The following OPCML variants were observed in gnomAD, a reference collection of about 807,000 sequenced individuals.
The protein encoded by OPCML is opioid-binding protein/cell adhesion molecule.
OPCML carries 13 observed loss-of-function variants against 37.8 expected under a neutral mutation model. That is an observed-to-expected ratio of 0.34 (90% CI 0.22 to 0.55). The LOEUF (loss-of-function observed/expected upper bound fraction) is 0.55. Ranked by LOEUF, OPCML falls within the 20% of genes least tolerant of loss-of-function variation. The probability of loss-of-function intolerance (pLI) is 0.91; values close to 1 mark genes in which losing one functional copy is unlikely to be tolerated. For missense variants in OPCML, 341 were observed against 435.6 expected, an observed-to-expected ratio of 0.78 and a Z score of 1.93; for synonymous variants, 176 against 168.8, an observed-to-expected ratio of 1.04 and a Z score of -0.33.
intron 2 of OPCML, among the ~76,000 whole-genome samples, chr11:132,725,617 A>G (rs570745850): frequency 3.3e-5 from 5 of 152,172 alleles, no homozygotes; most frequent in Admixed American, 3.3e-4. Flanking sequence ...TTAGGCTGCA[A>G]ATTTTCCAAA....
intron 1 of OPCML, chr11:133,300,890 G>A (rs1942759477): frequency 6.6e-6 from 1 of 152,222 alleles, no homozygotes; most frequent in African/African-American, 2.4e-5. Flanking sequence ...GCCGCCAGAA[G>A]CTGGAAGAGA....
intron 1 of OPCML, among the ~76,000 whole-genome samples, chr11:133,023,439 A>C (rs1947491273): frequency 6.6e-6 from 1 of 152,214 alleles, no homozygotes; most frequent in Admixed American, 6.5e-5. Flanking sequence ...TATTATTAAT[A>C]AGAATGTAGA....
intron 2 of OPCML, among the ~76,000 whole-genome samples, chr11:132,807,723 C>T (rs1939097998): frequency 6.6e-6 from 1 of 152,118 alleles, no homozygotes; most frequent in African/African-American, 2.4e-5. Context: ...CTGCAAGTAC[C>T]ATTCTTCTCT....
intron 1 of OPCML, among the ~76,000 whole-genome samples, chr11:133,146,756 G>A (rs1002843756): frequency 3.9e-5 from 6 of 152,130 alleles, no homozygotes; most frequent in Admixed American, 1.3e-4. Flanking sequence ...CCACCACGCC[G>A]GGACCTCTAT....
rs186899040 is a variant in OPCML, at chr11:133,479,769, C to A, written c.61+52495G>T. Among the ~76,000 whole-genome samples, 790 of 152,304 alleles carry A rather than the reference C, an allele frequency of 5.2e-3. 11 individuals carry two copies. The highest frequency in any genetic ancestry group is 0.018 in the African/African-American group (761 of 41,572). On this transcript the variant is annotated intron_variant, in intron 1 of 7. Transcript: ENST00000524381. ...CCACACCACAGAGGACCACACACAC[C>A]CACCGAACAAATGACACCCATGGCT...
At chr11:133,422,679 T>C (rs1476023760) in intron 1 of OPCML, 3 of 984,246 alleles carry the variant, frequency 3.0e-6, no homozygotes, top group Non-Finnish European at 3.6e-6. Context: ...TTAATAATTA[T>C]TATGTCATGA....
At chr11:132,524,230 T>C (rs2509229) in intron 4 of OPCML, among the ~76,000 whole-genome samples, 63,861 of 152,122 alleles carry the variant, frequency 0.42, 15,274 homozygotes, top group Non-Finnish European at 0.55. Context: ...TTCTCTTGTC[T>C]TTCAGGAACG....
At chr11:133,409,469 C>T (rs1017391222) in intron 1 of OPCML, among the ~76,000 whole-genome samples, 11 of 152,170 alleles carry the variant, frequency 7.2e-5, no homozygotes, top group Non-Finnish European at 1.5e-5. Flanking sequence ...TCTAGTCTCC[C>T]AGTGGGAATT....
intron 1 of OPCML, chr11:133,008,389 C>T (rs1947152649): frequency 7.1e-6 from 7 of 985,426 alleles, no homozygotes; most frequent in South Asian, 4.7e-5. Flanking sequence ...TTTCAGAGGA[C>T]ATCCGAGATT....
In OPCML at chr11:133,042,624, C is replaced by T. The variant is rs989046383; in HGVS notation, c.62-99614G>A. Among the ~76,000 whole-genome samples the T allele has an allele frequency of 3.3e-5, 5 of 152,178 alleles. No individual in the cohort carries two copies. In the South Asian group the frequency reaches 6.2e-4, roughly 19 times the overall value. On this transcript the variant is annotated intron_variant, in intron 1 of 7. Coordinates refer to ENST00000524381, the MANE Select transcript of OPCML (RefSeq NM_001012393.5). ...AGCTCAGAGTAACACTGTTAGTGAG[C>T]GGTCTAGGTTAACTATTACCCTGTT...
At chr11:132,485,064 A>G (rs1422807526) in intron 4 of OPCML, among the ~76,000 whole-genome samples, 1 of 151,192 alleles carries the variant, frequency 6.6e-6, no homozygotes, top group Admixed American at 6.6e-5. Context: ...AACTTAAAGT[A>G]TAATAATAAA....
intron 1 of OPCML, among the ~76,000 whole-genome samples, chr11:133,402,261 C>A (rs56148228): frequency 6.6e-6 from 1 of 151,880 alleles, no homozygotes; most frequent in Admixed American, 6.6e-5. Flanking sequence ...AAAAAAAAAC[C>A]CTTCTGGCAA....
Position 133,158,748 on chromosome 11 carries a change from A to AAAATG in OPCML, c.62-215739_62-215738insCATTT, listed in dbSNP as rs1298813375. Among the ~76,000 whole-genome samples the AAAATG allele has an allele frequency of 4.0e-5, 6 of 150,296 alleles. No homozygotes were observed. The East Asian group carries it at 9.7e-4, about 24-fold the overall frequency. On this transcript the variant is annotated intron_variant, in intron 1 of 7. Coordinates refer to ENST00000524381, the MANE Select transcript of OPCML (RefSeq NM_001012393.5). ...AAAATAAAATAAAATAAAATAAAAT[A>AAAATG]AAATAAAATGAAAATTAAAAAAAAT...
chr11:133,312,472 T>C (rs1943086909), intron 1 of OPCML, among the ~76,000 whole-genome samples: 1 of 152,240 alleles, frequency 6.6e-6, no homozygotes, highest in South Asian at 2.1e-4. Context: ...AGATGAGCCG[T>C]AGCCCTGAAT....
At chr11:133,284,211 C>T (rs1358941382) in intron 1 of OPCML, among the ~76,000 whole-genome samples, 1 of 152,168 alleles carries the variant, frequency 6.6e-6, no homozygotes, top group African/African-American at 2.4e-5. Context: ...CCAAACCCAA[C>T]CTGTACCGTG....
At chr11:132,473,751 A>C (rs1161914624) in intron 4 of OPCML, among the ~76,000 whole-genome samples, 1 of 152,108 alleles carries the variant, frequency 6.6e-6, no homozygotes, top group Non-Finnish European at 1.5e-5. Flanking sequence ...ACTTGAGCCC[A>C]GGAGATCGAG....
At chr11:132,758,821 G>C (rs1040212322) in intron 2 of OPCML, among the ~76,000 whole-genome samples, 11 of 152,134 alleles carry the variant, frequency 7.2e-5, no homozygotes, top group African/African-American at 2.7e-4. Flanking sequence ...GTCCTGGCCA[G>C]AACTTCCAAT....
intron 1 of OPCML, among the ~76,000 whole-genome samples, chr11:133,487,432 A>C (rs551332539): frequency 6.6e-6 from 1 of 152,304 alleles, no homozygotes; most frequent in African/African-American, 2.4e-5. Context: ...CCTTGTGATC[A>C]GGTCTCAGCT....
chr11:132,873,931 T>C (rs867079222), intron 2 of OPCML, among the ~76,000 whole-genome samples: 9 of 152,156 alleles, frequency 5.9e-5, no homozygotes, highest in African/African-American at 1.4e-4. Context: ...TGCTCTGATA[T>C]AGCAAATTTA....
Sources: gnomAD v4.1 joint callset for allele counts (sites outside exome capture counted in the v4.1 genomes callset) on GRCh38, gnomAD v4.1.1 for gene constraint, MANE v1.5 for transcripts, NCBI Gene and HGNC (gene_info 2026-07-23, HGNC 2026-07-21) for gene names.